SLC49A3: variants seen among roughly 807,000 people sequenced by gnomAD.
SLC49A3 encodes the protein solute carrier family 49 member A3.
SLC49A3 carries 50 observed loss-of-function variants against 43.8 expected under a neutral mutation model. That is an observed-to-expected ratio of 1.14 (90% confidence interval 0.91 to 1.45). SLC49A3 has a LOEUF of 1.45. Among genes scored for constraint, SLC49A3 ranks in the 40% most tolerant of loss-of-function variants. SLC49A3 has a pLI of 0.00. For synonymous variants in SLC49A3, 413 were observed against 352.0 expected, an observed-to-expected ratio of 1.17 and a Z score of -1.94; for missense variants, 906 against 774.1, an observed-to-expected ratio of 1.17 and a Z score of -2.02.
chr4:681,011 G>T, downstream of SLC49A3: 1 of 1,491,786 alleles, frequency 6.7e-7, no homozygotes. Flanking sequence ...ACAACCTGGG[G>T]CCCCTGGAGC....
intron 8 of SLC49A3, 90 bp downstream of exon 8, chr4:683,120 G>A (rs888927818): frequency 3.2e-6 from 5 of 1,538,596 alleles, no homozygotes; most frequent in Admixed American, 3.6e-5. Context: ...CCCGAAAAGG[G>A]GCCTGGACCA....
rs201748402 is a variant in SLC49A3, at chr4:683,302, G to T, written c.1059C>A (p.Gly353=). The change falls in exon 8 of 10, where the codon GGC becomes GGA. Residue 353 remains glycine (G), a synonymous_variant. Coordinates refer to ENST00000322224, the MANE Select transcript of SLC49A3 (RefSeq NM_032219.4). ...AATCSLLGLF[G]FSVGPVAMEL... is the part of the protein sequence containing the mutation. Reference sequence around the variant, plus strand: ...CCATGGCCACGGGGCCCACCGAGAAGCCAAACAGCCCGAGCAGCGAGCAGG... The same window carrying T: ...CCATGGCCACGGGGCCCACCGAGAATCCAAACAGCCCGAGCAGCGAGCAGG... 8.7e-6 allele frequency: 14 copies of T among 1,612,552 alleles called. No homozygotes were observed. The highest frequency in any genetic ancestry group is 1.2e-5 in the Non-Finnish European group (14 of 1,179,814).
intron 7 of SLC49A3, 60 bp from the exon 8 acceptor site, chr4:683,427 G>A: frequency 1.3e-6 from 2 of 1,566,102 alleles, no homozygotes; most frequent in Non-Finnish European, 8.6e-7. Flanking sequence ...AACTGGACCT[G>A]GCTTCACGGG....
downstream of SLC49A3, among the ~76,000 whole-genome samples, chr4:677,414 C>T (rs1166687427): frequency 2.0e-5 from 3 of 152,226 alleles, no homozygotes; most frequent in Non-Finnish European, 4.4e-5. Flanking sequence ...ATCTGAGCAA[C>T]GTGGCCATCT....
chr4:687,641 G>A (rs928977368), intron 1 of SLC49A3, among the ~76,000 whole-genome samples: 7 of 152,260 alleles, frequency 4.6e-5, no homozygotes, highest in African/African-American at 1.7e-4. Flanking sequence ...GAGAAGAGAT[G>A]CGTCTGAAGC....
In SLC49A3 at chr4:685,029, C is replaced by G; in HGVS notation, c.586-173G>C. On this transcript the variant is annotated intron_variant, in intron 4 of 9. Coordinates refer to ENST00000322224, the MANE Select transcript of SLC49A3 (RefSeq NM_032219.4). The surrounding 1 kb of genome is among the most constrained non-coding windows in gnomAD (Gnocchi z 4.3). ...AGGCCCAGGCTGGGAGGGGCCTGCT[C>G]CAGGGGCTCATGGGGACCCCTGGCT... is the stretch of plus-strand genomic sequence containing the variant. The G allele has an allele frequency of 2.3e-6, 2 of 873,580 alleles. No individual in the cohort carries two copies. The highest frequency in any genetic ancestry group is 3.4e-6 in the Non-Finnish European group (2 of 596,900). The allele number at this position is 873,580 out of a possible 1,614,324, so 54.1% of individuals were successfully genotyped here.
At chr4:684,144 T>C (rs912858615) in intron 6 of SLC49A3, among the ~76,000 whole-genome samples, 3 of 152,202 alleles carry the variant, frequency 2.0e-5, no homozygotes, top group South Asian at 2.1e-4. Context: ...CACGTCTGGA[T>C]ACCAGAAGGT....
chr4:681,717 GCCGCCCCGCCCCCT>G, downstream of SLC49A3: 1 of 142,048 alleles, frequency 7.0e-6, no homozygotes, highest in African/African-American at 4.4e-5. Context: ...CCCCTCCAGC[GCCGCCCCGCCCCCT>G]CCAGCGCCGC....
At chr4:680,116 A>G, downstream of SLC49A3, 1 of 1,207,310 alleles carries the variant, frequency 8.3e-7, no homozygotes, top group Middle Eastern at 2.0e-4. Flanking sequence ...CAATCTCTGG[A>G]GAAGCCCTAG....
downstream of SLC49A3, chr4:678,233 G>C (rs1739053474): frequency 1.3e-6 from 2 of 1,488,386 alleles, no homozygotes; most frequent in African/African-American, 1.4e-5. Flanking sequence ...GTGCTGTGTT[G>C]TGGGAAGTAC....
chr4:684,522 G>A lies in SLC49A3; in HGVS notation c.801C>T (p.Ala267=). The change falls in exon 6 of 10, where the codon GCC becomes GCT. Residue 267 remains alanine (A), a synonymous_variant. Coordinates refer to ENST00000322224, the MANE Select transcript of SLC49A3 (RefSeq NM_032219.4). ...TTGCACAGAGGATCTGCTCCAGGAG[G>A]GCTGAGAAGCTGGCAGAGATCCCGA... The part of the protein sequence containing the change: ...GMIGISASFS[A]LLEQILCASG... The A allele has an allele frequency of 6.2e-7, 1 of 1,613,206 alleles. No homozygotes were observed. The highest frequency in any genetic ancestry group is 8.5e-7 in the Non-Finnish European group (1 of 1,179,960).
chr4:683,062 G>A (rs923885225), intron 8 of SLC49A3, 148 bp downstream of exon 8: 43 of 1,177,526 alleles, frequency 3.7e-5, no homozygotes, highest in Non-Finnish European at 5.1e-5. Flanking sequence ...CACAGCAGGT[G>A]CTCAGAACCT....
At chr4:690,648 C>T (rs1248996989), upstream of SLC49A3, among the ~76,000 whole-genome samples, 1 of 152,230 alleles carries the variant, frequency 6.6e-6, no homozygotes, top group African/African-American at 2.4e-5. Context: ...TGAAATGGGG[C>T]AGCCACAGTA....
downstream of SLC49A3, chr4:678,066 T>C: frequency 1.9e-6 from 3 of 1,611,436 alleles, no homozygotes; most frequent in Non-Finnish European, 2.5e-6. Context: ...GGCAGGCGTG[T>C]GGGTGTGAGC....
Position 688,974 on chromosome 4 carries a change from TC to T in SLC49A3, c.135+18del. The stretch of plus-strand genomic sequence containing the variant: ...GGACTGAGGGTCCCGGAGCCACCTG[TC>T]CCCGCCCCTGCCCCTACCGTGGCGT... On this transcript the variant is annotated intron_variant, in intron 1 of 9. Coordinates refer to ENST00000322224, the MANE Select transcript of SLC49A3 (RefSeq NM_032219.4). 1.9e-6 allele frequency: 3 copies of T among 1,582,962 alleles called. No homozygotes were observed.
rs146271534 is a variant in SLC49A3, at chr4:686,284, G to A, written c.313C>T (p.Leu105=). 49 of 1,613,190 alleles carry A rather than the reference G, an allele frequency of 3.0e-5. No individual in the cohort carries two copies. The highest frequency in any genetic ancestry group is 4.2e-5 in the Non-Finnish European group (49 of 1,180,012). ...LRAATILGAW[L]NFAGSVLRMV... The stretch of plus-strand genomic sequence containing the variant: ...CGTAGCACACTCCCGGCAAAGTTCA[G>A]CCACGCACCCAGGATGGTCTGCGAG... The change falls in exon 3 of 10, where the codon CTG becomes TTG. Residue 105 remains leucine, a synonymous_variant. Coordinates refer to ENST00000322224, the MANE Select transcript of SLC49A3 (RefSeq NM_032219.4).
At chr4:679,759 T>G (rs1739255184), downstream of SLC49A3, among the ~76,000 whole-genome samples, 1 of 152,174 alleles carries the variant, frequency 6.6e-6, no homozygotes, top group Admixed American at 6.5e-5. Flanking sequence ...GCCAGCCAGA[T>G]GCACCCACTG....
chr4:678,344 C>G (rs559930750), downstream of SLC49A3: 1 of 1,416,338 alleles, frequency 7.1e-7, no homozygotes, highest in African/African-American at 1.4e-5. Flanking sequence ...CCAGAGTCCA[C>G]TTGCCCCTCA....
intron 1 of SLC49A3, 49 bp downstream of exon 1, chr4:688,944 C>T: frequency 6.4e-7 from 1 of 1,562,828 alleles, no homozygotes; most frequent in Non-Finnish European, 8.6e-7. Flanking sequence ...CCCGGCTGGT[C>T]CGAGGGACTG....
Sources: allele counts gnomAD v4.1 joint callset (sites outside exome capture counted in the v4.1 genomes callset), GRCh38; gene constraint gnomAD v4.1.1; non-coding constraint Gnocchi (gnomAD v3.1); transcripts MANE v1.5; gene names NCBI Gene and HGNC (gene_info 2026-07-23, HGNC 2026-07-21).